The following EPB41 variants were observed in gnomAD, a reference collection of about 807,000 sequenced individuals.
EPB41 encodes the protein erythrocyte membrane protein band 4.1, also known as protein 4.1.
Under a neutral mutation model 108.0 loss-of-function variants are expected in EPB41, and 65 were observed. That is an observed-to-expected ratio of 0.60 (90% CI 0.49 to 0.74). The LOEUF is 0.74. EPB41 is among the 30% of genes least tolerant of loss of function. The pLI, the probability that EPB41 is intolerant of heterozygous loss-of-function variation, is 0.00. For missense variants in EPB41, 875 were observed against 1,037.0 expected, an observed-to-expected ratio of 0.84 and a Z score of 2.15; for synonymous variants, 336 against 358.9, an observed-to-expected ratio of 0.94 and a Z score of 0.72.
At chr1:28,895,384 C>T (rs1177287786) in intron 1 of EPB41, among the ~76,000 whole-genome samples, 2 of 152,132 alleles carry the variant, frequency 1.3e-5, no homozygotes, top group African/African-American at 4.8e-5. Flanking sequence ...TTATTATCCC[C>T]GCTTCATGGC....
intron 1 of EPB41, among the ~76,000 whole-genome samples, chr1:28,901,548 T>C (rs942105140): frequency 6.6e-6 from 1 of 151,382 alleles, no homozygotes; most frequent in Admixed American, 6.6e-5. Context: ...ATTATTATTA[T>C]TTTGAGATGG....
At chr1:29,041,461 C>T (rs1405438998) in intron 11 of EPB41, 1 of 152,108 alleles carries the variant, frequency 6.6e-6, no homozygotes, top group Non-Finnish European at 1.5e-5. Context: ...GCCTGGGCAA[C>T]AGAGTGAGAC....
chr1:28,908,437 ATTATTT>A (rs1391589671), intron 1 of EPB41, among the ~76,000 whole-genome samples: 1 of 147,808 alleles, frequency 6.8e-6, no homozygotes, highest in East Asian at 2.0e-4. Context: ...TATTATTATT[ATTATTT>A]TTTTTTGAGA....
intron 4 of EPB41, among the ~76,000 whole-genome samples, chr1:29,010,325 C>T (rs950952095): frequency 5.3e-5 from 8 of 151,970 alleles, no homozygotes; most frequent in African/African-American, 1.9e-4. Flanking sequence ...GGCCACAGAG[C>T]GAGACCCTGT....
chr1:28,968,878 T>C (rs1240355400), intron 1 of EPB41, among the ~76,000 whole-genome samples: 1 of 150,980 alleles, frequency 6.6e-6, no homozygotes, highest in Non-Finnish European at 1.5e-5. Flanking sequence ...GACGTGACAA[T>C]CACTTGAACC....
intron 4 of EPB41, among the ~76,000 whole-genome samples, chr1:29,009,506 T>G (rs1046379889): frequency 2.0e-5 from 3 of 152,128 alleles, no homozygotes; most frequent in African/African-American, 7.2e-5. Flanking sequence ...CCTAGGGAGA[T>G]TCTCTTAAAA....
Position 28,964,481 on chromosome 1 carries a change from G to C in EPB41, c.-7-22950G>C, listed in dbSNP as rs189689737. Among the ~76,000 whole-genome samples, 876 of 151,910 alleles carry C rather than the reference G, an allele frequency of 5.8e-3. 11 individuals carry two copies. Among genetic ancestry groups the C allele is most frequent in the African/African-American group, 0.02 (836 of 41,468 alleles). ...CTGGGTGTGGTGGTGCACGCTTGTA[G>C]TTCCAGCTACTTGGGAGGCTGAGGC... On this transcript the variant is annotated intron_variant, in intron 1 of 20. Transcript: ENST00000343067.
intron 16 of EPB41, chr1:29,096,104 TC>T (rs1331929386): frequency 1.0e-6 from 1 of 962,888 alleles, no homozygotes; most frequent in African/African-American, 1.8e-5. Flanking sequence ...GAGTTCATTC[TC>T]CCACTTATAC....
intron 19 of EPB41, among the ~76,000 whole-genome samples, chr1:29,114,526 C>A (rs1009236924): frequency 6.6e-6 from 1 of 151,956 alleles, no homozygotes. Flanking sequence ...ACCTGTAACC[C>A]CAGCTACTTG....
chr1:29,115,926 T>G lies in EPB41; in HGVS notation c.*6+123T>G, dbSNP rs1318533824. The G allele has an allele frequency of 2.7e-6, 2 of 754,024 alleles. No individual in the cohort carries two copies. The highest frequency in any genetic ancestry group is 4.6e-6 in the Non-Finnish European group (2 of 431,082). 46.7% of individuals were successfully genotyped at this position (754,024 alleles called of 1,614,324 possible). On this transcript the variant is annotated intron_variant, in intron 20 of 20. Coordinates refer to ENST00000343067, the MANE Select transcript of EPB41 (RefSeq NM_001376013.1). This position sits in a 1 kb window ranked among gnomAD's most constrained non-coding sequence, Gnocchi z 4.4. ...AAGAGGTGTTCACCCTGGGACTTGATAAAGGCAGACGAGAGGCTGATGTGG... is the reference window on the plus strand; with the variant it reads ...AAGAGGTGTTCACCCTGGGACTTGAGAAAGGCAGACGAGAGGCTGATGTGG...
intron 4 of EPB41, 92 bp from the exon 5 acceptor site, chr1:29,011,773 A>T: frequency 1.5e-6 from 2 of 1,356,648 alleles, no homozygotes; most frequent in Non-Finnish European, 2.1e-6. Flanking sequence ...ATCTGGAGGC[A>T]CTATTTGAAG....
chr1:28,957,428 G>A (rs1200449198), intron 1 of EPB41, among the ~76,000 whole-genome samples: 3 of 151,570 alleles, frequency 2.0e-5, no homozygotes, highest in Non-Finnish European at 4.4e-5. Context: ...TTTTTGAAAC[G>A]GAGTCTCACT....
chr1:29,060,293 T>G, intron 14 of EPB41, 129 bp from the exon 15 acceptor site: 1 of 696,022 alleles, frequency 1.4e-6, no homozygotes, highest in Non-Finnish European at 2.5e-6. Flanking sequence ...CCATTTCATG[T>G]TGGCATATGC....
intron 16 of EPB41, chr1:29,065,469 T>G (rs1647191499): frequency 4.5e-6 from 1 of 222,798 alleles, no homozygotes; most frequent in Non-Finnish European, 8.7e-6. Context: ...GAGGTTTATT[T>G]GTATTCAAAC....
rs1187973613 is a variant in EPB41, at chr1:29,106,564, A to ATTTTTTTTTTTTT, written c.2314-2757_2314-2745dup. On this transcript the variant is annotated intron_variant, in intron 17 of 20. Coordinates refer to ENST00000343067, the MANE Select transcript of EPB41 (RefSeq NM_001376013.1). ...CCTCTCAGCCTCCCGAGTAGCTGGG[A>ATTTTTTTTTTTTT]TTTTTTTTTTTTTTTTTTTTTTTTT... Among the ~76,000 whole-genome samples the ATTTTTTTTTTTTT allele has an allele frequency of 6.5e-4, 33 of 50,894 alleles. 6 individuals carry two copies. Among genetic ancestry groups the ATTTTTTTTTTTTT allele is most frequent in the Non-Finnish European group, 8.9e-4 (27 of 30,498 alleles). 33.4% of individuals were successfully genotyped at this position (50,894 alleles called of 152,430 possible).
At chr1:29,064,918 G>C (rs552636217) in intron 15 of EPB41, 64 bp from the exon 16 acceptor site, 2 of 1,606,976 alleles carry the variant, frequency 1.2e-6, no homozygotes, top group African/African-American at 2.7e-5. Flanking sequence ...CTGACGGGTT[G>C]CCCTTGATTA....
rs574041462 is a variant in EPB41 at position 29,118,410 on chromosome 1, G to C, written c.*1598G>C. On this transcript the variant is annotated 3_prime_UTR_variant, in exon 21 of 21. Transcript: ENST00000343067. Reference sequence around the variant, plus strand: ...GTGAGCCACCACGCCCGGCCGATTTGGGGCATTTTTATTTAACAGAACTTC... The same window carrying C: ...GTGAGCCACCACGCCCGGCCGATTTCGGGCATTTTTATTTAACAGAACTTC... The C allele has an allele frequency of 6.6e-6, 1 of 152,110 alleles. No individual in the cohort carries two copies. Among genetic ancestry groups the C allele is most frequent in the Non-Finnish European group, 1.5e-5 (1 of 68,054 alleles). The allele number at this position is 152,110 out of a possible 1,614,324, so 9.4% of individuals were successfully genotyped here.
chr1:29,027,336 A>ATT (rs200392956), intron 7 of EPB41, among the ~76,000 whole-genome samples: 29 of 140,744 alleles, frequency 2.1e-4, no homozygotes, highest in East Asian at 4.2e-4. Flanking sequence ...GTCTCTCAAC[A>ATT]TTTTTTTTTT....
At chr1:29,113,447 G>A (rs112075168) in intron 19 of EPB41, among the ~76,000 whole-genome samples, 66 of 152,352 alleles carry the variant, frequency 4.3e-4, no homozygotes, top group African/African-American at 1.5e-3. Context: ...CCAGAAACAA[G>A]GCTGCAAAGC....
Sources: allele counts gnomAD v4.1 joint callset (sites outside exome capture counted in the v4.1 genomes callset), GRCh38; gene constraint gnomAD v4.1.1; non-coding constraint Gnocchi (gnomAD v3.1); transcripts MANE v1.5; gene names NCBI Gene and HGNC (gene_info 2026-07-23, HGNC 2026-07-21).